The following FBXO31 variants were observed in gnomAD, a reference collection of about 807,000 sequenced individuals.
FBXO31 encodes the protein F-box protein 31.
A neutral mutation model predicts 54.4 loss-of-function variants in FBXO31; 24 were observed. The observed-to-expected ratio is 0.44, with a 90% CI of 0.32 to 0.62. FBXO31 has a LOEUF of 0.62. Ranked by LOEUF, FBXO31 falls within the 20% of genes least tolerant of loss-of-function variation. The pLI, the probability that FBXO31 is intolerant of heterozygous loss-of-function variation, is 0.05. For synonymous variants in FBXO31, 388 were observed against 335.6 expected, an observed-to-expected ratio of 1.16 and a Z score of -1.71; for missense variants, 665 against 787.1, an observed-to-expected ratio of 0.84 and a Z score of 1.86.
At chr16:87,363,287 G>C (rs1906214850) in intron 1 of FBXO31, among the ~76,000 whole-genome samples, 1 of 152,198 alleles carries the variant, frequency 6.6e-6, no homozygotes, top group African/African-American at 2.4e-5. Flanking sequence ...GGGAGGCTGA[G>C]GCAGGAGAAT....
intron 5 of FBXO31, among the ~76,000 whole-genome samples, chr16:87,340,156 G>A (rs9940845): frequency 0.39 from 59,743 of 152,022 alleles, 12,267 homozygotes; most frequent in East Asian, 0.69. Context: ...GGTGGCAGGC[G>A]CCTGTAATAC....
rs1264624469 is a variant in FBXO31 at position 87,329,528 on chromosome 16, G to C, written c.*1760C>G. 1 of 152,274 alleles carries C rather than the reference G, an allele frequency of 6.6e-6. No individual in the cohort carries two copies. Among genetic ancestry groups the C allele is most frequent in the Non-Finnish European group, 1.5e-5 (1 of 68,068 alleles). The allele number at this position is 152,274 out of a possible 1,614,324, so 9.4% of individuals were successfully genotyped here. A position where few individuals can be genotyped will look rare whatever the true frequency, so the allele number is the denominator to read the frequency against. On this transcript the variant is annotated 3_prime_UTR_variant, in exon 9 of 9. Coordinates refer to ENST00000311635, the MANE Select transcript of FBXO31 (RefSeq NM_024735.5). The stretch of plus-strand genomic sequence containing the variant: ...AGTCTACATGCCCAACAGTCCTCCA[G>C]GCTTCAAGGCCACAGTCACCGTCAC...
At chr16:87,383,843 G>C (rs1597382817), upstream of FBXO31, 1 of 865,200 alleles carries the variant, frequency 1.2e-6, no homozygotes, top group Non-Finnish European at 1.5e-6. This position sits in a 1 kb window ranked among gnomAD's most constrained non-coding sequence, Gnocchi z 4.9. Flanking sequence ...AGCTCGCCAC[G>C]CCCCCTGGAG....
chr16:87,345,137 C>T lies in FBXO31; in HGVS notation c.490-1372G>A, dbSNP rs1046027301. ...ACGGGGAGACAGACACACCCGCCCT[C>T]GCTGGGCTCAGCCCCTGGTCCCACA... On this transcript the variant is annotated intron_variant, in intron 3 of 8. Transcript: ENST00000311635. The surrounding 1 kb of genome is among the most constrained non-coding windows in gnomAD (Gnocchi z 4.9). 6.6e-6 allele frequency among the ~76,000 whole-genome samples: 1 copy of T among 152,196 alleles called. No individual in the cohort carries two copies. Among genetic ancestry groups the T allele is most frequent in the Non-Finnish European group, 1.5e-5 (1 of 68,042 alleles).
upstream of FBXO31, chr16:87,383,871 A>G (rs1233358149): frequency 3.1e-5 from 20 of 638,880 alleles, no homozygotes; most frequent in Admixed American, 6.3e-4. This position sits in a 1 kb window ranked among gnomAD's most constrained non-coding sequence, Gnocchi z 4.9. Context: ...CCCCGCCCCT[A>G]CGTAGAGCTC....
intron 1 of FBXO31, among the ~76,000 whole-genome samples, chr16:87,368,753 G>A (rs558134432): frequency 1.4e-3 from 207 of 152,064 alleles, no homozygotes; most frequent in African/African-American, 4.8e-3. Flanking sequence ...TACTGAAGCA[G>A]CTGTTCTGAT....
At chr16:87,361,313 G>C (rs1906121175) in intron 1 of FBXO31, among the ~76,000 whole-genome samples, 1 of 152,236 alleles carries the variant, frequency 6.6e-6, no homozygotes, top group African/African-American at 2.4e-5. Context: ...AAAGGACCTG[G>C]AGCTTATGGT....
intron 2 of FBXO31, among the ~76,000 whole-genome samples, chr16:87,350,518 AC>A (rs1905606110): frequency 1.3e-5 from 2 of 152,154 alleles, no homozygotes; most frequent in South Asian, 4.1e-4. Context: ...ATAAACACAC[AC>A]TGATCTTGAC....
chr16:87,334,024 G>A lies in FBXO31; in HGVS notation c.1259C>T (p.Pro420Leu), dbSNP rs1247044408. Residue 420 changes from proline to leucine, a missense_variant, in exon 8 of 9, where the codon CCT becomes CTT. Around this residue, in one of 4 missense-constraint regions of FBXO31, gnomAD observed 165 missense variants for 159.7 expected, o/e 1.03. Coordinates refer to ENST00000311635, the MANE Select transcript of FBXO31 (RefSeq NM_024735.5). ...CCCAGGCTCGCCACCATCCTCACCA[G>A]GTGTCCCATCTGGGCCCTTGCTGGG... The part of the protein sequence containing the change: ...EAPSKGPDGT[P>L]GEDGGEPGDA... 2.5e-6 allele frequency: 4 copies of A among 1,612,746 alleles called. No homozygotes were observed. Among genetic ancestry groups the A allele is most frequent in the Admixed American group, 1.7e-5 (1 of 59,996 alleles).
chr16:87,372,456 T>C (rs1906643303), intron 1 of FBXO31, among the ~76,000 whole-genome samples: 1 of 152,224 alleles, frequency 6.6e-6, no homozygotes, highest in Non-Finnish European at 1.5e-5. Flanking sequence ...TCAGTCATGG[T>C]GTTGCTACTG....
intron 7 of FBXO31, among the ~76,000 whole-genome samples, chr16:87,334,687 T>G (rs963709634): frequency 6.6e-6 from 1 of 152,222 alleles, no homozygotes; most frequent in East Asian, 1.9e-4. Context: ...GAATGCCCCA[T>G]TATGCCAGAT....
intron 1 of FBXO31, among the ~76,000 whole-genome samples, chr16:87,360,931 CCT>C (rs750500376): frequency 6.6e-6 from 1 of 152,170 alleles, no homozygotes; most frequent in Non-Finnish European, 1.5e-5. Context: ...TCCCGCAACC[CCT>C]GTCCTCACAC....
upstream of FBXO31, among the ~76,000 whole-genome samples, chr16:87,384,415 G>A (rs972239503): frequency 6.6e-6 from 1 of 152,176 alleles, no homozygotes; most frequent in Admixed American, 6.5e-5. Flanking sequence ...GGCGGCGGCC[G>A]GCGCGGCCCA....
chr16:87,337,811 T>C (rs970996543), intron 5 of FBXO31, among the ~76,000 whole-genome samples: 1 of 144,292 alleles, frequency 6.9e-6, no homozygotes, highest in African/African-American at 2.7e-5. Context: ...GATGTGATGC[T>C]ACCAAACTTC....
intron 1 of FBXO31, among the ~76,000 whole-genome samples, chr16:87,364,504 T>C (rs535472113): frequency 2.6e-5 from 4 of 152,216 alleles, no homozygotes; most frequent in Non-Finnish European, 5.9e-5. Flanking sequence ...CCTGTCAATG[T>C]GGAAGTCAGA....
intron 5 of FBXO31, among the ~76,000 whole-genome samples, chr16:87,342,373 A>G (rs767566211): frequency 2.6e-5 from 4 of 152,158 alleles, no homozygotes; most frequent in Non-Finnish European, 1.5e-5. Context: ...GTATTTTGAG[A>G]GGGCAGTAAG....
In FBXO31 at chr16:87,327,679, G is replaced by C. The variant is rs961966058; in HGVS notation, c.*3609C>G. Reference sequence around the variant, plus strand: ...TCAAAAAACAACAAAAAAAGTACCAGCCGCATGGAGACTATCTGCTGCTTG... The same window carrying C: ...TCAAAAAACAACAAAAAAAGTACCACCCGCATGGAGACTATCTGCTGCTTG... On this transcript the variant is annotated 3_prime_UTR_variant, in exon 9 of 9. Transcript: ENST00000311635. The C allele has an allele frequency of 1.3e-5, 2 of 152,212 alleles. No homozygotes were observed. Among genetic ancestry groups the C allele is most frequent in the Non-Finnish European group, 2.9e-5 (2 of 68,100 alleles). The allele number at this position is 152,212 out of a possible 1,614,324, so 9.4% of individuals were successfully genotyped here.
In FBXO31 at chr16:87,336,559, T is replaced by C. The variant is rs1035348691; in HGVS notation, c.733-295A>G. 1.3e-5 allele frequency among the ~76,000 whole-genome samples: 2 copies of C among 152,092 alleles called. No homozygotes were observed. The highest frequency in any genetic ancestry group is 4.8e-5 in the African/African-American group (2 of 41,416). Reference sequence around the variant, plus strand: ...CCAGGTGAGGCGGGGGCCACAGCCATGACCAGAACTCAGGGTGGGCCTCCC... The same window carrying C: ...CCAGGTGAGGCGGGGGCCACAGCCACGACCAGAACTCAGGGTGGGCCTCCC... On this transcript the variant is annotated intron_variant, in intron 5 of 8. Coordinates refer to ENST00000311635, the MANE Select transcript of FBXO31 (RefSeq NM_024735.5). The surrounding 1 kb of genome is among the most constrained non-coding windows in gnomAD (Gnocchi z 6.5).
rs1262468099 is a variant in FBXO31 at position 87,389,005 on chromosome 16, T to G, written c.-177+732A>C. ...ATTAATTTACCACTCTGAATATTGT[T>G]CACTACTATATTAAATTTCTACTAA... On this transcript the variant is annotated intron_variant, in intron 1 of 8. Transcript: ENST00000618298. 3.9e-5 allele frequency among the ~76,000 whole-genome samples: 6 copies of G among 152,314 alleles called. No homozygotes were observed. The East Asian group carries it at 1.2e-3, about 29-fold the overall frequency.
Sources: allele counts gnomAD v4.1 joint callset (sites outside exome capture counted in the v4.1 genomes callset), GRCh38; gene constraint gnomAD v4.1.1; regional missense constraint gnomAD v4.1.1; non-coding constraint Gnocchi (gnomAD v3.1); transcripts MANE v1.5; gene names NCBI Gene and HGNC (gene_info 2026-07-23, HGNC 2026-07-21).